MBD2: variants seen among roughly 807,000 people sequenced by gnomAD.
The protein encoded by MBD2 is methyl-CpG binding domain protein 2, also known as methyl-CpG-binding domain protein 2.
A neutral mutation model predicts 39.3 loss-of-function variants in MBD2; 9 were observed. The ratio of observed to expected loss-of-function variants is 0.23; its 90% CI spans 0.14 to 0.40. MBD2 has a LOEUF of 0.40. Ranked by LOEUF, MBD2 falls within the 10% of genes least tolerant of loss-of-function variation. MBD2 has a pLI of 1.00. For synonymous variants in MBD2, 233 were observed against 211.1 expected (o/e 1.10, Z -0.90); for missense variants, 458 against 532.6 (o/e 0.86, Z 1.38).
chr18:54,207,993 G>A (rs555175967), intron 1 of MBD2, among the ~76,000 whole-genome samples: 2 of 152,056 alleles, frequency 1.3e-5, no homozygotes, highest in South Asian at 2.1e-4. Context: ...AGCTGAGATC[G>A]CACCACTGCA....
intron 5 of MBD2, among the ~76,000 whole-genome samples, chr18:54,163,710 G>C (rs1481215320): frequency 6.6e-6 from 1 of 152,006 alleles, no homozygotes; most frequent in Admixed American, 6.6e-5. Flanking sequence ...TCCTGGCTCT[G>C]TTTTATTGCT....
intron 1 of MBD2, among the ~76,000 whole-genome samples, chr18:54,222,837 G>A (rs2144360271): frequency 6.6e-6 from 1 of 152,336 alleles, no homozygotes; most frequent in South Asian, 2.1e-4. Flanking sequence ...GTGTGCATAT[G>A]TATGTATATA....
chr18:54,204,996 A>G lies in MBD2; in HGVS notation c.702+2T>C, dbSNP rs1269124924. 1 of 1,612,926 alleles carries G rather than the reference A, an allele frequency of 6.2e-7. No homozygotes were observed. The highest frequency in any genetic ancestry group is 8.5e-7 in the Non-Finnish European group (1 of 1,179,608). Reference sequence around the variant, plus strand: ...ATACATGCGATAAGTAAATTAACCAACCTTATTTTGATTGAGAGGATCGTT... The same window carrying G: ...ATACATGCGATAAGTAAATTAACCAGCCTTATTTTGATTGAGAGGATCGTT... On this transcript the variant is annotated splice_donor_variant, in intron 2 of 6. Transcript: ENST00000256429. LOFTEE classifies it high-confidence loss of function.
intron 3 of MBD2, among the ~76,000 whole-genome samples, chr18:54,180,890 A>ATTTTTTTTTTTTTTTTTTTTTTTTTT (rs1568083459): frequency 8.7e-6 from 1 of 114,592 alleles, no homozygotes; most frequent in African/African-American, 3.7e-5. Flanking sequence ...GTATTCCTTA[A>ATTTTTTTTTTTTTTTTTTTTTTTTTT]TTTTTTCTTT....
chr18:54,159,968 C>A, intron 5 of MBD2, 65 bp from the exon 6 acceptor site: 1 of 1,536,744 alleles, frequency 6.5e-7, no homozygotes, highest in Non-Finnish European at 8.9e-7. Flanking sequence ...GAATCTGCTA[C>A]AGAAGTTCAT....
chr18:54,172,410 C>G (rs767409923), intron 3 of MBD2, among the ~76,000 whole-genome samples: 1 of 152,050 alleles, frequency 6.6e-6, no homozygotes, highest in South Asian at 2.1e-4. Context: ...GCGACACTAA[C>G]GATGGTATGG....
chr18:54,175,421 G>A (rs2144294803), intron 3 of MBD2, among the ~76,000 whole-genome samples: 1 of 152,272 alleles, frequency 6.6e-6, no homozygotes, highest in African/African-American at 2.4e-5. Context: ...GAATCCTGCT[G>A]CCCTCCTAAG....
chr18:54,156,993 G>C (rs1344175106), intron 6 of MBD2, among the ~76,000 whole-genome samples: 1 of 152,166 alleles, frequency 6.6e-6, no homozygotes, highest in Non-Finnish European at 1.5e-5. Context: ...CTTTCTGAGA[G>C]TCCATTCCGA....
At chr18:54,176,051 A>C (rs908093984) in intron 3 of MBD2, among the ~76,000 whole-genome samples, 58 of 152,238 alleles carry the variant, frequency 3.8e-4, no homozygotes, top group African/African-American at 1.3e-3. Flanking sequence ...AAAACAGAAG[A>C]AGCAAAAGTT....
At chr18:54,197,490 G>T (rs2086375490) in intron 2 of MBD2, among the ~76,000 whole-genome samples, 1 of 152,010 alleles carries the variant, frequency 6.6e-6, no homozygotes, top group Non-Finnish European at 1.5e-5. Flanking sequence ...TTCTCCTTCT[G>T]GTTTTGTATA....
rs1211071727 is a variant in MBD2 at position 54,180,897 on chromosome 18, C to CTTTTTTTTTTTTTTT, written c.840+7976_840+7977insAAAAAAAAAAAAAAA. Among the ~76,000 whole-genome samples, 23 of 105,352 alleles carry CTTTTTTTTTTTTTTT rather than the reference C, an allele frequency of 2.2e-4. 3 individuals carry two copies. The highest frequency in any genetic ancestry group is 2.9e-4 in the Non-Finnish European group (16 of 55,302). 69.1% of individuals were successfully genotyped at this position (105,352 alleles called of 152,430 possible). On this transcript the variant is annotated intron_variant, in intron 3 of 6. Coordinates refer to ENST00000256429, the MANE Select transcript of MBD2 (RefSeq NM_003927.5). ...CAGCCTATGTATTCCTTAATTTTTT[C>CTTTTTTTTTTTTTTT]TTTTTCTTTTTTTTTTTTTTTTTTT...
rs2086646682 is a variant in MBD2 at position 54,224,528 on chromosome 18, C to T, written c.32G>A (p.Cys11Tyr). MRAHPGGGRCCPEQEEGESAA... is the reference protein window; with the variant it reads MRAHPGGGRCYPEQEEGESAA... ...ACTCTCCCCCTCCTCCTGCTCCGGG[C>T]AGCAGCGGCCTCCCCCCGGGTGCGC... Residue 11 changes from cysteine (C) to tyrosine (Y), a missense_variant, in exon 1 of 7, where the codon TGC (cysteine) becomes TAC (tyrosine). Coordinates refer to ENST00000256429, the MANE Select transcript of MBD2 (RefSeq NM_003927.5). 1 of 1,232,082 alleles carries T rather than the reference C, an allele frequency of 8.1e-7. No individual in the cohort carries two copies. Among genetic ancestry groups the T allele is most frequent in the Non-Finnish European group, 1.0e-6 (1 of 988,366 alleles). The allele number at this position is 1,232,082 out of a possible 1,614,324, so 76.3% of individuals were successfully genotyped here.
At chr18:54,171,351 C>G (rs111994866) in intron 3 of MBD2, among the ~76,000 whole-genome samples, 7 of 151,868 alleles carry the variant, frequency 4.6e-5, no homozygotes, top group African/African-American at 1.7e-4. Context: ...GAGCTGGGAT[C>G]GCACCATTGC....
At chr18:54,205,903 A>G (rs1467459409) in intron 1 of MBD2, among the ~76,000 whole-genome samples, 7 of 152,078 alleles carry the variant, frequency 4.6e-5, no homozygotes, top group South Asian at 2.1e-4. Flanking sequence ...TAATCAGAAA[A>G]AACTTGAGAA....
intron 2 of MBD2, among the ~76,000 whole-genome samples, chr18:54,192,340 C>A (rs2086326107): frequency 6.6e-6 from 1 of 152,168 alleles, no homozygotes; most frequent in African/African-American, 2.4e-5. Context: ...TCAAGCAATT[C>A]TCCTGCCTCA....
chr18:54,202,130 G>A (rs1428048424), intron 2 of MBD2, among the ~76,000 whole-genome samples: 1 of 152,004 alleles, frequency 6.6e-6, no homozygotes, highest in Non-Finnish European at 1.5e-5. Context: ...ATCACCTGAG[G>A]TCAGGAGTTC....
chr18:54,191,635 G>A (rs2086320542), intron 2 of MBD2, among the ~76,000 whole-genome samples: 1 of 152,170 alleles, frequency 6.6e-6, no homozygotes. Context: ...CTGAGTTTGT[G>A]ACCTCTACTT....
At chr18:54,208,225 G>A (rs1399451970) in intron 1 of MBD2, among the ~76,000 whole-genome samples, 2 of 152,132 alleles carry the variant, frequency 1.3e-5, no homozygotes, top group African/African-American at 4.8e-5. Context: ...AGGCACGGTG[G>A]CTCATGCCTG....
chr18:54,157,263 AT>A (rs113156706), intron 6 of MBD2, among the ~76,000 whole-genome samples: 2,041 of 143,490 alleles, frequency 0.014, 27 homozygotes, highest in African/African-American at 0.037. Context: ...GATTGAAATG[AT>A]TTTTTTTTTT....
Sources: gnomAD v4.1 joint callset for allele counts (sites outside exome capture counted in the v4.1 genomes callset) on GRCh38, gnomAD v4.1.1 for gene constraint, MANE v1.5 for transcripts, NCBI Gene and HGNC (gene_info 2026-07-23, HGNC 2026-07-21) for gene names.